Variants in UNC80 observed in about 807,000 individuals in gnomAD.
The protein encoded by UNC80 is unc-80 subunit of NALCN channel complex, also known as protein unc-80 homolog.
UNC80 carries 164 observed loss-of-function variants against 384.6 expected under a neutral mutation model. The observed-to-expected ratio is 0.43, with a 90% CI of 0.38 to 0.49. The LOEUF (loss-of-function observed/expected upper bound fraction) is 0.49. UNC80 is among the 20% of genes least tolerant of loss of function. The pLI is 0.00. For synonymous variants in UNC80, 1,486 were observed against 1,527.8 expected (o/e 0.97, Z 0.64); for missense variants, 3,330 against 4,143.0 (o/e 0.80, Z 5.39).
Position 209,976,429 on chromosome 2 carries a change from A to C in UNC80, c.8772+126A>C. On this transcript the variant is annotated intron_variant, in intron 57 of 64. Coordinates refer to ENST00000673920, the MANE Select transcript of UNC80 (RefSeq NM_001371986.1). The surrounding 1 kb of genome is among the most constrained non-coding windows in gnomAD (Gnocchi z 4.3). Reference sequence around the variant, plus strand: ...TTGCCAGTTAGTAGGGCCTGTTAATACCATGCTTGATGAGAAAACCGCCCA... The same window carrying C: ...TTGCCAGTTAGTAGGGCCTGTTAATCCCATGCTTGATGAGAAAACCGCCCA... 1.6e-6 allele frequency: 2 copies of C among 1,233,258 alleles called. No homozygotes were observed. The allele number at this position is 1,233,258 out of a possible 1,614,324, so 76.4% of individuals were successfully genotyped here.
chr2:209,888,130 G>A lies in UNC80; in HGVS notation c.4146G>A (p.Glu1382=). 6.4e-7 allele frequency: 1 copy of A among 1,551,698 alleles called. No homozygotes were observed. Among genetic ancestry groups the A allele is most frequent in the South Asian group, 1.2e-5 (1 of 84,058 alleles). Residue 1382 remains glutamate (E), a synonymous_variant, in exon 26 of 65, where the codon GAG becomes GAA. Coordinates refer to ENST00000673920, the MANE Select transcript of UNC80 (RefSeq NM_001371986.1). ...GCTGCAGACTTCGTTTGGATCCCGA[G>A]TTGGACCGGCACAGATATGAGAGGA... ...LESCRLRLDP[E]LDRHRYERKI...
At chr2:209,808,350 G>C (rs1422743394) in intron 7 of UNC80, among the ~76,000 whole-genome samples, 1 of 152,004 alleles carries the variant, frequency 6.6e-6, no homozygotes, top group Non-Finnish European at 1.5e-5. Context: ...GTCACCTGAG[G>C]TCAGATGTTC....
chr2:209,820,804 G>A, intron 13 of UNC80, 125 bp downstream of exon 13: 1 of 1,068,500 alleles, frequency 9.4e-7, no homozygotes, highest in East Asian at 2.6e-5. Flanking sequence ...AGTGGAGAGT[G>A]GAGAAATCTC....
In UNC80 at chr2:209,923,540, T is replaced by C. The variant is rs78582154; in HGVS notation, c.5662+1157T>C. On this transcript the variant is annotated intron_variant, in intron 35 of 64. Transcript: ENST00000673920. ...GAACATAAATGTAGTAGTATATTTA[T>C]GGTTTTTCAGTTCTGTTCTACTGAT... Among the ~76,000 whole-genome samples, 926 of 152,302 alleles carry C rather than the reference T, an allele frequency of 6.1e-3. 6 individuals carry two copies. The highest frequency in any genetic ancestry group is 0.021 in the African/African-American group (883 of 41,572).
At chr2:209,946,816 T>G (rs1349591267) in intron 47 of UNC80, among the ~76,000 whole-genome samples, 1 of 152,172 alleles carries the variant, frequency 6.6e-6, no homozygotes, top group Non-Finnish European at 1.5e-5. Flanking sequence ...CCAAGCTGAT[T>G]ATGCCCAATA....
intron 26 of UNC80, among the ~76,000 whole-genome samples, chr2:209,893,938 G>A (rs1465824503): frequency 1.3e-5 from 2 of 152,168 alleles, no homozygotes; most frequent in South Asian, 2.1e-4. Flanking sequence ...CAGAAAGAGA[G>A]CAGGTTGTTC....
intron 22 of UNC80, among the ~76,000 whole-genome samples, chr2:209,860,074 G>A (rs1250305091): frequency 6.6e-6 from 1 of 151,936 alleles, no homozygotes; most frequent in Non-Finnish European, 1.5e-5. Context: ...ATTGCTTTTG[G>A]CATTTTTGTC....
intron 54 of UNC80, among the ~76,000 whole-genome samples, chr2:209,971,961 A>T (rs767994750): frequency 1.3e-5 from 2 of 152,164 alleles, no homozygotes; most frequent in African/African-American, 2.4e-5. Flanking sequence ...AAGTATTCTA[A>T]TTTTTCATTT....
chr2:209,852,950 TAAAC>T (rs2082635858), intron 22 of UNC80, among the ~76,000 whole-genome samples: 1 of 152,022 alleles, frequency 6.6e-6, no homozygotes. Flanking sequence ...AATATAGAAA[TAAAC>T]ATAGATGTAG....
At chr2:209,992,393 T>C in intron 62 of UNC80, 146 bp downstream of exon 62, 3 of 722,166 alleles carry the variant, frequency 4.2e-6, no homozygotes, top group Non-Finnish European at 6.9e-6. Flanking sequence ...GAGGATTGCT[T>C]GAGCCCAGGA....
intron 21 of UNC80, among the ~76,000 whole-genome samples, chr2:209,843,904 C>T (rs1397200948): frequency 2.0e-5 from 3 of 152,148 alleles, no homozygotes; most frequent in Non-Finnish European, 4.4e-5. Context: ...ATCCTTACAA[C>T]TCTATCAAAA....
rs10182114 is a variant in UNC80 at position 209,797,734 on chromosome 2, T to C, written c.938+3875T>C. ...TTTCTAGATCTTTGAGGAATCGACA[T>C]GCTATCTTCCACAACGGTTGAACTA... On this transcript the variant is annotated intron_variant, in intron 7 of 64. Coordinates refer to ENST00000673920, the MANE Select transcript of UNC80 (RefSeq NM_001371986.1). Among the ~76,000 whole-genome samples the C allele has an allele frequency of 3.0e-3, 459 of 152,288 alleles. 1 individual carries two copies. Among genetic ancestry groups the C allele is most frequent in the African/African-American group, 0.011 (439 of 41,568 alleles).
intron 22 of UNC80, among the ~76,000 whole-genome samples, chr2:209,866,488 C>CACA (rs1559226539): frequency 3.1e-4 from 33 of 106,716 alleles, no homozygotes; most frequent in Middle Eastern, 5.4e-3. Flanking sequence ...CAAAATGCAC[C>CACA]CCCACACACA....
intron 28 of UNC80, among the ~76,000 whole-genome samples, chr2:209,899,187 T>C (rs2087115236): frequency 6.6e-6 from 1 of 152,208 alleles, no homozygotes; most frequent in East Asian, 1.9e-4. Context: ...GTAATTATAT[T>C]GACTAAACAT....
chr2:209,985,454 G>A (rs1407571692), intron 61 of UNC80, among the ~76,000 whole-genome samples: 2 of 152,204 alleles, frequency 1.3e-5, no homozygotes, highest in East Asian at 1.9e-4. Flanking sequence ...GACTTCTATA[G>A]TAGCTTGTTC....
At chr2:209,987,874 TA>T (rs888781987) in intron 61 of UNC80, among the ~76,000 whole-genome samples, 6 of 150,490 alleles carry the variant, frequency 4.0e-5, no homozygotes, top group East Asian at 3.9e-4. Flanking sequence ...TACCAAAAAA[TA>T]AAAAAAAATA....
At chr2:209,993,570 C>G in intron 63 of UNC80, 144 bp downstream of exon 63, 1 of 638,736 alleles carries the variant, frequency 1.6e-6, no homozygotes, top group South Asian at 2.3e-5. Context: ...TCCCAGAAAA[C>G]TGTAGTGTCT....
At chr2:209,984,784 G>A in intron 60 of UNC80, 72 bp from the exon 61 acceptor site, 5 of 1,391,146 alleles carry the variant, frequency 3.6e-6, no homozygotes, top group Non-Finnish European at 4.8e-6. Flanking sequence ...AAAATTGCAT[G>A]CCTTTTTTCT....
intron 20 of UNC80, among the ~76,000 whole-genome samples, chr2:209,841,449 G>A (rs935381477): frequency 6.6e-6 from 1 of 152,054 alleles, no homozygotes; most frequent in African/African-American, 2.4e-5. Context: ...TCCGCCTTCT[G>A]GGTTCAAATG....
Sources: allele counts gnomAD v4.1 joint callset (sites outside exome capture counted in the v4.1 genomes callset), GRCh38; gene constraint gnomAD v4.1.1; non-coding constraint Gnocchi (gnomAD v3.1); transcripts MANE v1.5; gene names NCBI Gene and HGNC (gene_info 2026-07-23, HGNC 2026-07-21).